The following ONECUT1 variants were observed in gnomAD, a reference collection of about 807,000 sequenced individuals.
The protein encoded by ONECUT1 is one cut homeobox 1.
A neutral mutation model predicts 25.6 loss-of-function variants in ONECUT1; 12 were observed. That is an observed-to-expected ratio of 0.47 (90% CI 0.30 to 0.76). ONECUT1 has a LOEUF of 0.76. Ranked by LOEUF, ONECUT1 falls within the 30% of genes least tolerant of loss-of-function variation. ONECUT1 has a pLI of 0.07. For missense variants in ONECUT1, 620 were observed against 651.2 expected, an observed-to-expected ratio of 0.95 and a Z score of 0.52; for synonymous variants, 285 against 270.2, an observed-to-expected ratio of 1.05 and a Z score of -0.54.
At chr15:52,780,935 A>T (rs2083837105) in intron 1 of ONECUT1, 2 of 1,227,586 alleles carry the variant, frequency 1.6e-6, no homozygotes, top group South Asian at 5.3e-5. Context: ...GACTGGAAAC[A>T]TGCAGTGTTT....
At chr15:52,785,584 C>A (rs1018420666) in intron 1 of ONECUT1, 2 of 152,248 alleles carry the variant, frequency 1.3e-5, no homozygotes, top group African/African-American at 4.8e-5. Flanking sequence ...TCTTTCCGAG[C>A]CGGCAGCTCC....
intron 1 of ONECUT1, among the ~76,000 whole-genome samples, chr15:52,771,559 G>A (rs1027223085): frequency 2.7e-5 from 4 of 150,874 alleles, no homozygotes; most frequent in African/African-American, 9.8e-5. Context: ...GATTATAGAT[G>A]TTGTTTGCAT....
At chr15:52,780,616 A>C (rs1314108486) in intron 1 of ONECUT1, 1 of 1,535,204 alleles carries the variant, frequency 6.5e-7, no homozygotes, top group African/African-American at 1.4e-5. Context: ...GATTTTTGTG[A>C]CTCCATCAAT....
At chr15:52,779,313 C>T (rs1021405174) in intron 1 of ONECUT1, among the ~76,000 whole-genome samples, 12 of 152,038 alleles carry the variant, frequency 7.9e-5, no homozygotes, top group Non-Finnish European at 1.3e-4. Flanking sequence ...TGGTCTCGAT[C>T]TCCTGACCTT....
chr15:52,778,031 AT>A (rs1173917160), intron 1 of ONECUT1, among the ~76,000 whole-genome samples: 33 of 152,174 alleles, frequency 2.2e-4, no homozygotes, highest in Non-Finnish European at 7.3e-5. Flanking sequence ...TTTGGTCTGA[AT>A]TGCTTGGGTT....
chr15:52,780,590 A>G, intron 1 of ONECUT1: 1 of 1,535,300 alleles, frequency 6.5e-7, no homozygotes, highest in Admixed American at 2.0e-5. Flanking sequence ...GCAAAGATTA[A>G]ATTGCCTTAA....
chr15:52,757,819 C>T lies in ONECUT1; in HGVS notation c.1134G>A (p.Gly378=), dbSNP rs771119211. 1 of 1,613,884 alleles carries T rather than the reference C, an allele frequency of 6.2e-7. No individual in the cohort carries two copies. The highest frequency in any genetic ancestry group is 8.5e-7 in the Non-Finnish European group (1 of 1,179,922). Residue 378 remains glycine (G), a synonymous_variant, in exon 2 of 2, where the codon GGG becomes GGA. Coordinates refer to ENST00000305901, the MANE Select transcript of ONECUT1 (RefSeq NM_004498.4). ...AACKRKEQEH[G]KDRGNTPKKP... ...TTTTGGGTGTGTTGCCTCTATCCTT[C>T]CCATGTTCTTGTTCTTTCCTTTTGC...
chr15:52,762,621 C>T (rs1425800824), intron 1 of ONECUT1, among the ~76,000 whole-genome samples: 2 of 152,054 alleles, frequency 1.3e-5, no homozygotes, highest in Non-Finnish European at 2.9e-5. Flanking sequence ...GGCCTAGGGC[C>T]TGGTTGTAAG....
Position 52,788,674 on chromosome 15 carries a change from G to T in ONECUT1, c.1105+106C>A. 1 of 1,261,668 alleles carries T rather than the reference G, an allele frequency of 7.9e-7. No individual in the cohort carries two copies. Among genetic ancestry groups the T allele is most frequent in the Non-Finnish European group, 1.1e-6 (1 of 915,018 alleles). The allele number at this position is 1,261,668 out of a possible 1,614,324, so 78.2% of individuals were successfully genotyped here. On this transcript the variant is annotated intron_variant, in intron 1 of 1. Coordinates refer to ENST00000305901, the MANE Select transcript of ONECUT1 (RefSeq NM_004498.4). The surrounding 1 kb of genome is among the most constrained non-coding windows in gnomAD (Gnocchi z 4.3). ...GAGTCCCCCTTCTAGGGGTAGGGGC[G>T]GGCGGGATGAAGCGCACCCAGCCCT...
At chr15:52,767,769 G>A (rs962791554) in intron 1 of ONECUT1, among the ~76,000 whole-genome samples, 6 of 152,178 alleles carry the variant, frequency 3.9e-5, no homozygotes, top group Non-Finnish European at 5.9e-5. Context: ...TTCACAATAG[G>A]CAAGATGTGG....
chr15:52,786,870 C>T (rs2083878778), intron 1 of ONECUT1: 1 of 152,382 alleles, frequency 6.6e-6, no homozygotes, highest in Non-Finnish European at 1.5e-5. Context: ...CCGAGTTTTC[C>T]CGGAGGGGTA....
At chr15:52,785,344 G>A (rs1282101855) in intron 1 of ONECUT1, among the ~76,000 whole-genome samples, 1 of 152,062 alleles carries the variant, frequency 6.6e-6, no homozygotes. Flanking sequence ...CCCCCCGACC[G>A]AACCCCTCCC....
At chr15:52,767,670 G>T (rs1055964769) in intron 1 of ONECUT1, among the ~76,000 whole-genome samples, 4 of 152,148 alleles carry the variant, frequency 2.6e-5, no homozygotes, top group Admixed American at 1.3e-4. Context: ...AAGGGCAATA[G>T]GTCTCTTTTC....
chr15:52,768,242 C>A (rs1027307757), intron 1 of ONECUT1, among the ~76,000 whole-genome samples: 1 of 152,100 alleles, frequency 6.6e-6, no homozygotes, highest in Non-Finnish European at 1.5e-5. Context: ...GTGATGGATA[C>A]CCTAGTTACC....
rs57187579 is a variant in ONECUT1, at chr15:52,777,737, C to CACACACAAAAA, written c.1105+11042_1105+11043insTTTTTGTGTGT. Among the ~76,000 whole-genome samples, 56 of 103,446 alleles carry CACACACAAAAA rather than the reference C, an allele frequency of 5.4e-4. 1 individual carries two copies. Among genetic ancestry groups the CACACACAAAAA allele is most frequent in the African/African-American group, 2.3e-3 (53 of 22,576 alleles). The allele number at this position is 103,446 out of a possible 152,430, so 67.9% of individuals were successfully genotyped here. ...ACACACACACACACACACACACACA[C>CACACACAAAAA]AAAAAAACATGTAAAGTTATTTGTT... On this transcript the variant is annotated intron_variant, in intron 1 of 1. Transcript: ENST00000305901.
At chr15:52,781,637 A>C (rs1214861795) in intron 1 of ONECUT1, among the ~76,000 whole-genome samples, 1 of 152,244 alleles carries the variant, frequency 6.6e-6, no homozygotes, top group Non-Finnish European at 1.5e-5. Context: ...TGAAGAGAGC[A>C]ACAGGGAAAA....
At chr15:52,775,251 C>T (rs1231803495) in intron 1 of ONECUT1, among the ~76,000 whole-genome samples, 1 of 151,598 alleles carries the variant, frequency 6.6e-6, no homozygotes, top group African/African-American at 2.4e-5. Flanking sequence ...CACTTGGGAG[C>T]ATTTTCAACC....
intron 1 of ONECUT1, among the ~76,000 whole-genome samples, chr15:52,762,780 T>C (rs575766606): frequency 6.6e-6 from 1 of 152,300 alleles, no homozygotes; most frequent in South Asian, 2.1e-4. Context: ...TAAAGCTTAC[T>C]GAGAGTCACC....
At chr15:52,765,526 A>T (rs2083729269) in intron 1 of ONECUT1, among the ~76,000 whole-genome samples, 1 of 152,216 alleles carries the variant, frequency 6.6e-6, no homozygotes, top group Admixed American at 6.5e-5. Flanking sequence ...TCTTAGAGAC[A>T]ATATATGTGG....
Sources: allele counts gnomAD v4.1 joint callset (sites outside exome capture counted in the v4.1 genomes callset), GRCh38; gene constraint gnomAD v4.1.1; non-coding constraint Gnocchi (gnomAD v3.1); transcripts MANE v1.5; gene names NCBI Gene and HGNC (gene_info 2026-07-23, HGNC 2026-07-21).